The following WIF1 variants were observed in gnomAD, a reference collection of about 807,000 sequenced individuals.
The protein encoded by WIF1 is Wnt inhibitory factor 1.
A neutral mutation model predicts 53.5 loss-of-function variants in WIF1; 35 were observed. The ratio of observed to expected loss-of-function variants is 0.65; its 90% confidence interval spans 0.50 to 0.87. The LOEUF (loss-of-function observed/expected upper bound fraction) is 0.87. Ranked by LOEUF, WIF1 falls within the 40% of genes least tolerant of loss-of-function variation. The pLI, the probability that WIF1 is intolerant of heterozygous loss-of-function variation, is 0.00. For synonymous variants in WIF1, 171 were observed against 170.4 expected, an observed-to-expected ratio of 1.00 and a Z score of -0.03; for missense variants, 467 against 476.8, an observed-to-expected ratio of 0.98 and a Z score of 0.19.
chr12:65,100,164 T>C (rs888936465), intron 2 of WIF1, among the ~76,000 whole-genome samples: 3 of 152,218 alleles, frequency 2.0e-5, no homozygotes, highest in African/African-American at 7.2e-5. Flanking sequence ...GTTTATTTTT[T>C]AGGAATTACC....
intron 2 of WIF1, among the ~76,000 whole-genome samples, chr12:65,097,718 CTAAATTA>C (rs1175582177): frequency 1.1e-4 from 17 of 152,156 alleles, no homozygotes; most frequent in Admixed American, 1.0e-3. Context: ...ACATTTATTT[CTAAATTA>C]TCTCCTGACC....
At position 65,091,696 on chromosome 12, in the gene WIF1, G is replaced by A. The variant is rs184189302; in HGVS notation, c.289-13842C>T. On this transcript the variant is annotated intron_variant, in intron 2 of 9. Coordinates refer to ENST00000286574, the MANE Select transcript of WIF1 (RefSeq NM_007191.5). ...TTTTACCCCAGGAATCCATTTCAAT[G>A]AATAGCTCTGATCAAAGGTTTAAAA... Among the ~76,000 whole-genome samples the A allele has an allele frequency of 4.6e-5, 7 of 152,246 alleles. No homozygotes were observed. In the East Asian group the frequency reaches 1.4e-3, roughly 29 times the overall value.
At chr12:65,065,210 G>T (rs918894439) in intron 6 of WIF1, among the ~76,000 whole-genome samples, 2 of 152,118 alleles carry the variant, frequency 1.3e-5, no homozygotes, top group East Asian at 3.9e-4. Flanking sequence ...TATAGCTCAG[G>T]GGTGAGGGAC....
At chr12:65,063,579 A>C (rs1312633919) in intron 6 of WIF1, among the ~76,000 whole-genome samples, 2 of 152,184 alleles carry the variant, frequency 1.3e-5, no homozygotes, top group Non-Finnish European at 2.9e-5. Context: ...GGGAAAAAAA[A>C]AGTCCACAAA....
In WIF1 at chr12:65,064,574, T is replaced by C. The variant is rs1882660166; in HGVS notation, c.731-1998A>G. On this transcript the variant is annotated intron_variant, in intron 6 of 9. Transcript: ENST00000286574. ...CCTCCTGGAGAATTAAAGCATCTTTTTGTTGAGGTAGAAATTTTTTTTTTT... is the reference window on the plus strand; with the variant it reads ...CCTCCTGGAGAATTAAAGCATCTTTCTGTTGAGGTAGAAATTTTTTTTTTT... Among the ~76,000 whole-genome samples the C allele has an allele frequency of 6.6e-5, 10 of 152,294 alleles. No individual in the cohort carries two copies. In the South Asian group the frequency reaches 2.1e-3, roughly 32 times the overall value.
intron 2 of WIF1, among the ~76,000 whole-genome samples, chr12:65,107,764 A>T (rs1883372275): frequency 6.6e-6 from 1 of 152,212 alleles, no homozygotes; most frequent in African/African-American, 2.4e-5. Context: ...ACTAAAATAT[A>T]TGTTTATTTA....
intron 2 of WIF1, among the ~76,000 whole-genome samples, chr12:65,105,571 G>A (rs1182140978): frequency 6.6e-6 from 1 of 152,226 alleles, no homozygotes; most frequent in African/African-American, 2.4e-5. Context: ...GCAAGCAGGT[G>A]TTTGCAGAGT....
chr12:65,080,618 C>T (rs1882934527), intron 2 of WIF1, among the ~76,000 whole-genome samples: 1 of 152,026 alleles, frequency 6.6e-6, no homozygotes, highest in Non-Finnish European at 1.5e-5. Context: ...TTTTATTTGG[C>T]ACTATGAAAG....
intron 9 of WIF1, among the ~76,000 whole-genome samples, chr12:65,053,467 C>T (rs562220456): frequency 1.3e-5 from 2 of 152,278 alleles, no homozygotes; most frequent in Admixed American, 6.5e-5. Context: ...CGAGTTCTCA[C>T]GAGATCTGAC....
intron 7 of WIF1, 49 bp downstream of exon 7, chr12:65,062,432 G>A: frequency 6.6e-7 from 1 of 1,508,506 alleles, no homozygotes; most frequent in Non-Finnish European, 9.1e-7. Flanking sequence ...GTTATATGGG[G>A]TTTCTAAGGT....
intron 3 of WIF1, among the ~76,000 whole-genome samples, chr12:65,070,887 G>A (rs1044875422): frequency 3.9e-5 from 6 of 152,030 alleles, no homozygotes; most frequent in Non-Finnish European, 7.4e-5. Context: ...GTCTTATTAA[G>A]TTTGTAGGAA....
intron 2 of WIF1, among the ~76,000 whole-genome samples, chr12:65,086,414 AC>A (rs1883038392): frequency 6.6e-6 from 1 of 152,142 alleles, no homozygotes; most frequent in East Asian, 1.9e-4. Context: ...GCATTAGGCA[AC>A]TATGGTGGGG....
At chr12:65,092,618 G>T in intron 2 of WIF1, among the ~76,000 whole-genome samples, 1 of 151,916 alleles carries the variant, frequency 6.6e-6, no homozygotes, top group South Asian at 2.1e-4. Context: ...GAGAGAGCAA[G>T]CTATGCAGAT....
At chr12:65,068,631 G>A (rs906639693) in intron 4 of WIF1, 133 bp downstream of exon 4, 6 of 1,193,094 alleles carry the variant, frequency 5.0e-6, no homozygotes, top group Non-Finnish European at 6.9e-6. Context: ...TAGTTATAGA[G>A]CCATCATCCA....
At chr12:65,114,042 AC>A (rs1883472403) in intron 2 of WIF1, among the ~76,000 whole-genome samples, 1 of 152,252 alleles carries the variant, frequency 6.6e-6, no homozygotes, top group African/African-American at 2.4e-5. Flanking sequence ...TAGACAGTAC[AC>A]ATTAAGGGAT....
intron 7 of WIF1, among the ~76,000 whole-genome samples, chr12:65,061,685 G>T (rs575277636): frequency 6.6e-6 from 1 of 152,302 alleles, no homozygotes; most frequent in Non-Finnish European, 1.5e-5. Flanking sequence ...TTTAACTTTT[G>T]TGTATTGAAG....
chr12:65,079,989 A>G (rs561069640), intron 2 of WIF1, among the ~76,000 whole-genome samples: 1 of 152,188 alleles, frequency 6.6e-6, no homozygotes, highest in Admixed American at 6.5e-5. Context: ...ATTTTACAAC[A>G]TGAAAGATAT....
chr12:65,119,844 T>C (rs1200399037), intron 2 of WIF1, among the ~76,000 whole-genome samples: 2 of 152,238 alleles, frequency 1.3e-5, no homozygotes, highest in Non-Finnish European at 2.9e-5. Context: ...CAGTTTTCTT[T>C]TCCATATGAA....
intron 2 of WIF1, among the ~76,000 whole-genome samples, chr12:65,105,211 A>G (rs1053003637): frequency 6.6e-6 from 1 of 152,082 alleles, no homozygotes; most frequent in Non-Finnish European, 1.5e-5. Flanking sequence ...CCAGGGACCC[A>G]CTAATGGGGA....
Sources: gnomAD v4.1 joint callset for allele counts (sites outside exome capture counted in the v4.1 genomes callset) on GRCh38, gnomAD v4.1.1 for gene constraint, MANE v1.5 for transcripts, NCBI Gene and HGNC (gene_info 2026-07-23, HGNC 2026-07-21) for gene names.